CHIC2: variants seen among roughly 807,000 people sequenced by gnomAD.
The protein encoded by CHIC2 is cysteine rich hydrophobic domain 2, also known as cysteine-rich hydrophobic domain-containing protein 2.
A neutral mutation model predicts 25.9 loss-of-function variants in CHIC2; 14 were observed. The ratio of observed to expected loss-of-function variants is 0.54; its 90% CI spans 0.36 to 0.85. The LOEUF is 0.85. CHIC2 is among the 40% of genes least tolerant of loss of function. The pLI, the probability that CHIC2 is intolerant of heterozygous loss-of-function variation, is 0.01. For synonymous variants in CHIC2, 70 were observed against 72.0 expected, an observed-to-expected ratio of 0.97 and a Z score of 0.14; for missense variants, 146 against 202.0, an observed-to-expected ratio of 0.72 and a Z score of 1.68.
intron 3 of CHIC2, among the ~76,000 whole-genome samples, chr4:54,040,703 CAAAAAAA>C (rs71200354): frequency 1.2e-4 from 7 of 59,310 alleles, no homozygotes; most frequent in Non-Finnish European, 1.8e-4. Flanking sequence ...AACTCTGTCT[CAAAAAAA>C]AAAAAAAAAA....
chr4:54,023,274 G>C (rs1053869804), intron 3 of CHIC2, among the ~76,000 whole-genome samples: 2 of 152,038 alleles, frequency 1.3e-5, no homozygotes. Context: ...TTTTAGGCTG[G>C]CCATCATGTC....
At position 54,057,780 on chromosome 4, in the gene CHIC2, T is replaced by C. The variant is rs185527354; in HGVS notation, c.119+6402A>G. On this transcript the variant is annotated intron_variant, in intron 1 of 5. Coordinates refer to ENST00000263921, the MANE Select transcript of CHIC2 (RefSeq NM_012110.4). ...TAATCAAAGATTAAGCAAAAAATAC[T>C]CTGAGAAAACAAAATAAATATTGTA... Among the ~76,000 whole-genome samples the C allele has an allele frequency of 3.2e-4, 49 of 152,228 alleles. No individual in the cohort carries two copies. In the East Asian group the frequency reaches 9.1e-3, roughly 28 times the overall value.
In CHIC2 at chr4:54,064,128, A is replaced by G. The variant is rs1459414877; in HGVS notation, c.119+54T>C. On this transcript the variant is annotated intron_variant, in intron 1 of 5. Coordinates refer to ENST00000263921, the MANE Select transcript of CHIC2 (RefSeq NM_012110.4). This position sits in a 1 kb window ranked among gnomAD's most constrained non-coding sequence, Gnocchi z 4.2. ...AGGGGAAACGGGGCTCCCGTGGAGTAACGGGGCCCACCCCAGCCCGCACCT... is the reference window on the plus strand; with the variant it reads ...AGGGGAAACGGGGCTCCCGTGGAGTGACGGGGCCCACCCCAGCCCGCACCT... 20 of 1,494,592 alleles carry G rather than the reference A, an allele frequency of 1.3e-5. No homozygotes were observed. Among genetic ancestry groups the G allele is most frequent in the Non-Finnish European group, 1.6e-5 (18 of 1,091,306 alleles). 92.6% of individuals were successfully genotyped at this position (1,494,592 alleles called of 1,614,324 possible).
At chr4:54,040,324 T>C (rs977057034) in intron 3 of CHIC2, among the ~76,000 whole-genome samples, 2 of 152,242 alleles carry the variant, frequency 1.3e-5, no homozygotes, top group African/African-American at 2.4e-5. Flanking sequence ...CCCAGCACTT[T>C]GGGAGGCCGA....
chr4:54,064,415 G>C lies in CHIC2; in HGVS notation c.-115C>G. Reference sequence around the variant, plus strand: ...AGTCGCCGCTGCCGCCGGCTCCGAGGCCGCGGAGTTCGCTGTCGGCTGTCT... The same window carrying C: ...AGTCGCCGCTGCCGCCGGCTCCGAGCCCGCGGAGTTCGCTGTCGGCTGTCT... On this transcript the variant is annotated 5_prime_UTR_variant, in exon 1 of 6. Transcript: ENST00000263921. This position sits in a 1 kb window ranked among gnomAD's most constrained non-coding sequence, Gnocchi z 4.2. 1 of 1,532,768 alleles carries C rather than the reference G, an allele frequency of 6.5e-7. No homozygotes were observed. The highest frequency in any genetic ancestry group is 8.8e-7 in the Non-Finnish European group (1 of 1,142,634). The allele number at this position is 1,532,768 out of a possible 1,614,324, so 94.9% of individuals were successfully genotyped here.
chr4:54,068,007 T>A (rs1272071583), upstream of CHIC2, among the ~76,000 whole-genome samples: 2 of 150,940 alleles, frequency 1.3e-5, no homozygotes, highest in Non-Finnish European at 3.0e-5. Context: ...TAGGTTGAGA[T>A]GAGGTCAAGA....
Position 54,064,251 on chromosome 4 carries a change from GCCCGCT to G in CHIC2, c.44_49del (p.Glu15_Arg16del). The G allele has an allele frequency of 6.2e-7, 1 of 1,611,128 alleles. No homozygotes were observed. Among genetic ancestry groups the G allele is most frequent in the Non-Finnish European group, 8.5e-7 (1 of 1,178,744 alleles). ...GTACTTGAGCAGCTGCTCCTCCAGG[GCCCGCT>G]CCTCGTCCTCCTCTTCCTCATAGAT... On this transcript the variant is annotated inframe_deletion, in exon 1 of 6. Coordinates refer to ENST00000263921, the MANE Select transcript of CHIC2 (RefSeq NM_012110.4). This position sits in a 1 kb window ranked among gnomAD's most constrained non-coding sequence, Gnocchi z 4.2.
chr4:54,070,009 T>G, the CHIC2 span, among the ~76,000 whole-genome samples: 2 of 152,050 alleles, frequency 1.3e-5, no homozygotes, highest in Non-Finnish European at 2.9e-5. Flanking sequence ...AGCACAGGGG[T>G]CCATGGGAGT....
At position 54,013,885 on chromosome 4, in the gene CHIC2, A is replaced by G. The variant is rs372282227; in HGVS notation, c.399T>C (p.His133=). 5.0e-6 allele frequency: 8 copies of G among 1,613,426 alleles called. No homozygotes were observed. In the South Asian group the frequency reaches 6.6e-5, roughly 13 times the overall value. ...CACATTTCCTTTTGCTCAGTCTCCA[A>G]TGCAAGCACAGCTAGACAAGTAGGA... The part of the protein sequence containing the change: ...NNRLYHKLCL[H]WRLSKRKCET... Residue 133 remains histidine, a synonymous_variant, in exon 5 of 6, where the codon CAT becomes CAC. Coordinates refer to ENST00000263921, the MANE Select transcript of CHIC2 (RefSeq NM_012110.4).
At chr4:54,011,613 T>C (rs1469798693) in intron 5 of CHIC2, among the ~76,000 whole-genome samples, 1 of 152,118 alleles carries the variant, frequency 6.6e-6, no homozygotes, top group Admixed American at 6.6e-5. Flanking sequence ...TCCCCAGGTA[T>C]GGGCATCCCC....
At chr4:54,069,243 G>C (rs1717573422), upstream of CHIC2, among the ~76,000 whole-genome samples, 1 of 152,084 alleles carries the variant, frequency 6.6e-6, no homozygotes, top group East Asian at 1.9e-4. Flanking sequence ...GCCCAGGCTA[G>C]TCTCCAACTC....
chr4:54,036,977 G>T (rs1022286169), intron 3 of CHIC2, among the ~76,000 whole-genome samples: 1 of 151,990 alleles, frequency 6.6e-6, no homozygotes, highest in Non-Finnish European at 1.5e-5. Flanking sequence ...AAACAAATGT[G>T]GCATATCCAT....
At chr4:54,068,504 T>A (rs948138213), upstream of CHIC2, among the ~76,000 whole-genome samples, 1 of 151,550 alleles carries the variant, frequency 6.6e-6, no homozygotes, top group African/African-American at 2.5e-5. Flanking sequence ...AAATAAATGT[T>A]TGTTTATAAG....
At chr4:54,048,934 A>G (rs1004943434) in intron 3 of CHIC2, 21 bp downstream of exon 3, 53 of 1,495,414 alleles carry the variant, frequency 3.5e-5, no homozygotes, top group Non-Finnish European at 4.6e-5. Context: ...AATTTAAATT[A>G]AAATATATAA....
At chr4:54,050,806 C>A (rs1190240538) in intron 1 of CHIC2, among the ~76,000 whole-genome samples, 1 of 152,068 alleles carries the variant, frequency 6.6e-6, no homozygotes, top group Admixed American at 6.5e-5. Context: ...TCTGTGATGT[C>A]TGCACAATGA....
chr4:54,019,647 G>A (rs929400094), intron 3 of CHIC2, among the ~76,000 whole-genome samples: 1 of 152,010 alleles, frequency 6.6e-6, no homozygotes, highest in Non-Finnish European at 1.5e-5. Flanking sequence ...CAATTTAAAG[G>A]GGGTTATCTA....
rs148112309 is a variant in CHIC2 at position 54,020,105 on chromosome 4, C to A, written c.331-5986G>T. Among the ~76,000 whole-genome samples, 1,418 of 152,254 alleles carry A rather than the reference C, an allele frequency of 9.3e-3. 22 individuals are homozygous for A. Among genetic ancestry groups the A allele is most frequent in the African/African-American group, 0.032 (1,333 of 41,542 alleles). On this transcript the variant is annotated intron_variant, in intron 3 of 5. Coordinates refer to ENST00000263921, the MANE Select transcript of CHIC2 (RefSeq NM_012110.4). The stretch of plus-strand genomic sequence containing the variant: ...GTCAGGCCTCTGAGCCCAAGCTAAG[C>A]CATCATATCCCCTGTGACCTGCACG...
At chr4:54,043,387 C>A (rs1475699514) in intron 3 of CHIC2, among the ~76,000 whole-genome samples, 2 of 147,706 alleles carry the variant, frequency 1.4e-5, no homozygotes, top group Non-Finnish European at 3.0e-5. Flanking sequence ...TGCCACTGCA[C>A]TCCAGCCTGG....
chr4:54,055,453 G>A (rs1454005623), intron 1 of CHIC2, among the ~76,000 whole-genome samples: 2 of 152,062 alleles, frequency 1.3e-5, no homozygotes, highest in Admixed American at 6.6e-5. Flanking sequence ...AACAAACAGG[G>A]TCCTCGATCT....
Sources: gnomAD v4.1 joint callset for allele counts (sites outside exome capture counted in the v4.1 genomes callset) on GRCh38, gnomAD v4.1.1 for gene constraint, Gnocchi (gnomAD v3.1) non-coding constraint, MANE v1.5 for transcripts, NCBI Gene and HGNC (gene_info 2026-07-23, HGNC 2026-07-21) for gene names.